The following ATG10 variants were observed in gnomAD, a reference collection of about 807,000 sequenced individuals.
ATG10 encodes ubiquitin-like-conjugating enzyme ATG10.
In ATG10, 30 loss-of-function variants were observed where a neutral mutation model predicts 32.1. The ratio of observed to expected loss-of-function variants is 0.94; its 90% CI spans 0.70 to 1.27. The LOEUF (loss-of-function observed/expected upper bound fraction) is 1.27. Ranked by LOEUF, ATG10 falls within the 50% of genes most tolerant of loss-of-function variation. ATG10 has a pLI of 0.00. For synonymous variants in ATG10, 87 were observed against 91.5 expected, an observed-to-expected ratio of 0.95 and a Z score of 0.28; for missense variants, 233 against 262.3, an observed-to-expected ratio of 0.89 and a Z score of 0.77.
intron 3 of ATG10, among the ~76,000 whole-genome samples, chr5:82,127,961 G>C (rs1766348463): frequency 6.6e-6 from 1 of 151,880 alleles, no homozygotes; most frequent in Non-Finnish European, 1.5e-5. Flanking sequence ...GAATCTAGGT[G>C]GTCCTGTATT....
At chr5:82,129,220 T>G (rs1390620299) in intron 3 of ATG10, among the ~76,000 whole-genome samples, 1 of 151,968 alleles carries the variant, frequency 6.6e-6, no homozygotes, top group Non-Finnish European at 1.5e-5. Flanking sequence ...TTCTCTAAAC[T>G]GGTTATTCTA....
chr5:82,045,457 T>C (rs1763206296), intron 2 of ATG10, among the ~76,000 whole-genome samples: 2 of 152,264 alleles, frequency 1.3e-5, no homozygotes, highest in South Asian at 2.1e-4. Flanking sequence ...TTAAGGAAGA[T>C]TCCCTAAGGT....
intron 3 of ATG10, among the ~76,000 whole-genome samples, chr5:82,089,655 GA>G (rs1456186260): frequency 2.0e-5 from 3 of 151,882 alleles, no homozygotes; most frequent in Non-Finnish European, 2.9e-5. Context: ...TTTAGGAAGA[GA>G]AAAAAATAGA....
intron 2 of ATG10, among the ~76,000 whole-genome samples, chr5:82,041,726 A>G (rs73768617): frequency 0.23 from 35,315 of 151,930 alleles, 4,374 homozygotes; most frequent in South Asian, 0.36. Context: ...ATAAGAAATG[A>G]TACTTAGAAC....
chr5:82,108,893 TA>T (rs35556500), intron 3 of ATG10, among the ~76,000 whole-genome samples: 62,226 of 151,678 alleles, frequency 0.41, 14,260 homozygotes, highest in East Asian at 0.78. Flanking sequence ...GAAACAGGCA[TA>T]GGGGGGAAGA....
At chr5:82,224,972 T>C (rs945568081) in intron 5 of ATG10, among the ~76,000 whole-genome samples, 1 of 152,216 alleles carries the variant, frequency 6.6e-6, no homozygotes, top group African/African-American at 2.4e-5. Flanking sequence ...CAAACTTACA[T>C]GAATGCTGAA....
At chr5:82,052,722 C>CAT (rs1178707025) in intron 2 of ATG10, among the ~76,000 whole-genome samples, 3 of 152,144 alleles carry the variant, frequency 2.0e-5, no homozygotes, top group Non-Finnish European at 2.9e-5. Flanking sequence ...TACATTTAAA[C>CAT]ATATGGTAGC....
chr5:82,065,934 C>G (rs1302846240), intron 3 of ATG10, among the ~76,000 whole-genome samples: 1 of 151,382 alleles, frequency 6.6e-6, no homozygotes, highest in Non-Finnish European at 1.5e-5. Flanking sequence ...AACTTACTGG[C>G]TAATGAAGAC....
chr5:82,115,229 ATGAT>A (rs559966981), intron 3 of ATG10, among the ~76,000 whole-genome samples: 92 of 152,228 alleles, frequency 6.0e-4, no homozygotes, highest in African/African-American at 2.0e-3. Context: ...AAAATTGAAA[ATGAT>A]TGGGTAGTAA....
rs182373550 is a variant in ATG10, at chr5:82,204,499, A to C, written c.453+25912A>C. Among the ~76,000 whole-genome samples, 10 of 152,312 alleles carry C rather than the reference A, an allele frequency of 6.6e-5. No homozygotes were observed. In the East Asian group the frequency reaches 1.5e-3, roughly 23 times the overall value. On this transcript the variant is annotated intron_variant, in intron 5 of 7. Transcript: ENST00000282185. ...ATAGACATGGTCTCTGTTCTCTTGA[A>C]TCTTACAATTTAATGAGAAAACAAA...
At chr5:82,053,585 A>T (rs1240876269) in intron 2 of ATG10, among the ~76,000 whole-genome samples, 1 of 152,026 alleles carries the variant, frequency 6.6e-6, no homozygotes, top group Non-Finnish European at 1.5e-5. Context: ...TTCTCATTTA[A>T]ATATTTCTTA....
intron 3 of ATG10, among the ~76,000 whole-genome samples, chr5:82,150,685 G>A (rs572930991): frequency 5.9e-5 from 9 of 152,218 alleles, no homozygotes; most frequent in Admixed American, 4.6e-4. Flanking sequence ...TCACACAGTC[G>A]TCCACAGGGC....
chr5:82,211,172 G>T (rs1561359466), intron 5 of ATG10, among the ~76,000 whole-genome samples: 1 of 152,110 alleles, frequency 6.6e-6, no homozygotes, highest in Non-Finnish European at 1.5e-5. Flanking sequence ...TTTCCATAGT[G>T]CATGATGGGA....
In ATG10 at chr5:81,987,629, T is replaced by C; in HGVS notation, c.59T>C (p.Ile20Thr). ...KTFQRYCAEFIKHSQQIGDSW... is the reference protein window; with the variant it reads ...KTFQRYCAEFTKHSQQIGDSW... ...TTCCAACGTTATTGTGCAGAATTCA[T>C]TAAACATTCACAACAGATAGGTGAT... Residue 20 changes from isoleucine (I) to threonine (T), a missense_variant, in exon 2 of 8, where the codon ATT (isoleucine) becomes ACT (threonine). Physicochemically the swap from Ile to Thr is moderately conservative, Grantham distance 89. Coordinates refer to ENST00000282185, the MANE Select transcript of ATG10 (RefSeq NM_031482.5). 6.2e-7 allele frequency: 1 copy of C among 1,613,280 alleles called. No individual in the cohort carries two copies. Among genetic ancestry groups the C allele is most frequent in the Non-Finnish European group, 8.5e-7 (1 of 1,179,760 alleles).
chr5:82,167,655 C>T (rs952410443), intron 4 of ATG10, among the ~76,000 whole-genome samples: 1 of 152,114 alleles, frequency 6.6e-6, no homozygotes, highest in Non-Finnish European at 1.5e-5. Context: ...AAAAATAGAA[C>T]ATCCTGAGGA....
chr5:82,161,159 A>T (rs1246034613), intron 3 of ATG10, among the ~76,000 whole-genome samples: 2 of 152,212 alleles, frequency 1.3e-5, no homozygotes, highest in Non-Finnish European at 2.9e-5. Flanking sequence ...AATGATGGAA[A>T]GATGCTAGCA....
At chr5:82,128,058 A>G (rs1429243562) in intron 3 of ATG10, among the ~76,000 whole-genome samples, 1 of 151,536 alleles carries the variant, frequency 6.6e-6, no homozygotes, top group African/African-American at 2.4e-5. Context: ...GTCTCTTTTG[A>G]TCTTTGTTGG....
At chr5:82,008,750 A>G (rs940553165) in intron 2 of ATG10, among the ~76,000 whole-genome samples, 2 of 152,196 alleles carry the variant, frequency 1.3e-5, no homozygotes. Context: ...TTCAGATGGA[A>G]TGGAATGGAG....
intron 5 of ATG10, among the ~76,000 whole-genome samples, chr5:82,183,147 A>G (rs1025061413): frequency 6.6e-6 from 1 of 152,190 alleles, no homozygotes; most frequent in Non-Finnish European, 1.5e-5. Flanking sequence ...CAATTCTATT[A>G]TCACAGATAA....
Sources: gnomAD v4.1 joint callset for allele counts (sites outside exome capture counted in the v4.1 genomes callset) on GRCh38, gnomAD v4.1.1 for gene constraint, MANE v1.5 for transcripts, NCBI Gene and HGNC (gene_info 2026-07-23, HGNC 2026-07-21) for gene names.